The following AKR1C2 variants were observed in gnomAD, a reference collection of about 807,000 sequenced individuals.
The protein encoded by AKR1C2 is aldo-keto reductase family 1 member C2, also known as 3-alpha-HSD3.
In AKR1C2, 27 loss-of-function variants were observed where a neutral mutation model predicts 39.8. The observed-to-expected ratio is 0.68, with a 90% CI of 0.50 to 0.93. AKR1C2 has a LOEUF of 0.93. Among genes scored for constraint, AKR1C2 ranks in the 40% least tolerant of loss-of-function variants. The pLI is 0.00. For missense variants in AKR1C2, 263 were observed against 365.1 expected (o/e 0.72, Z 2.28); for synonymous variants, 114 against 137.9 (o/e 0.83, Z 1.22).
chr10:4,997,919 G>A (rs1321984653), intron 5 of AKR1C2, among the ~76,000 whole-genome samples: 4 of 152,194 alleles, frequency 2.6e-5, no homozygotes, highest in East Asian at 1.9e-4. Context: ...ACCATGCATA[G>A]AATAGATGTG....
intron 3 of AKR1C2, 66 bp downstream of exon 3, chr10:5,000,484 C>A (rs113856482): frequency 4.3e-6 from 7 of 1,613,332 alleles, no homozygotes; most frequent in South Asian, 3.3e-5. Context: ...TAGTTCAAAT[C>A]TCCATGAAAA....
At chr10:5,017,013 G>A (rs1208760072) in intron 1 of AKR1C2, among the ~76,000 whole-genome samples, 1 of 152,192 alleles carries the variant, frequency 6.6e-6, no homozygotes, top group Non-Finnish European at 1.5e-5. Context: ...TATGCAGGGT[G>A]CCATGTCCCA....
chr10:5,002,669 G>C (rs1395341324), intron 1 of AKR1C2, among the ~76,000 whole-genome samples: 2 of 152,126 alleles, frequency 1.3e-5, no homozygotes, highest in African/African-American at 4.8e-5. Context: ...TCTTTTAAAT[G>C]ACAAAAACAG....
chr10:4,993,382 G>T (rs1564326830), intron 7 of AKR1C2, among the ~76,000 whole-genome samples: 1 of 152,108 alleles, frequency 6.6e-6, no homozygotes, highest in Non-Finnish European at 1.5e-5. Flanking sequence ...TTCAAGTTAT[G>T]TGAGCAAATA....
intron 1 of AKR1C2, among the ~76,000 whole-genome samples, chr10:5,002,969 A>G (rs1837316686): frequency 1.3e-5 from 2 of 152,216 alleles, no homozygotes; most frequent in Non-Finnish European, 2.9e-5. Context: ...GTGAGACTCA[A>G]ATTTTATATA....
At chr10:5,000,221 C>CT in intron 3 of AKR1C2, 1 of 1,434,016 alleles carries the variant, frequency 7.0e-7, no homozygotes, top group East Asian at 2.5e-5. Flanking sequence ...TCATGAAACT[C>CT]TGTGTCTGTG....
chr10:4,990,224 GA>G (rs1836786840), intron 8 of AKR1C2, among the ~76,000 whole-genome samples, 186 bp from the exon 9 acceptor site: 1 of 152,096 alleles, frequency 6.6e-6, no homozygotes. Context: ...TCAAAATAAA[GA>G]ATAATTTAAT....
upstream of AKR1C2, among the ~76,000 whole-genome samples, chr10:5,005,469 T>G (rs1457857463): frequency 3.9e-5 from 6 of 151,964 alleles, no homozygotes; most frequent in Non-Finnish European, 8.8e-5. Flanking sequence ...GATCACGAGG[T>G]TAGGAGATGG....
chr10:5,008,341 G>T (rs542042115), upstream of AKR1C2, among the ~76,000 whole-genome samples: 3 of 151,574 alleles, frequency 2.0e-5, 1 homozygote, highest in African/African-American at 7.3e-5. Flanking sequence ...CAAGTGCCAA[G>T]CCTCAACCAC....
intron 8 of AKR1C2, among the ~76,000 whole-genome samples, chr10:4,990,320 T>A (rs1447176219): frequency 5.3e-5 from 8 of 151,626 alleles, no homozygotes; most frequent in Non-Finnish European, 7.4e-5. Flanking sequence ...CAACAACAGA[T>A]CCCACATCTG....
At chr10:5,013,187 TTAAAA>T (rs1554775054) in intron 1 of AKR1C2, 3 of 152,222 alleles carry the variant, frequency 2.0e-5, no homozygotes, top group Admixed American at 6.5e-5. Context: ...ACCCCCGAAC[TTAAAA>T]TAAAAGTTAA....
intron 1 of AKR1C2, among the ~76,000 whole-genome samples, chr10:5,009,796 G>A (rs1554774725): frequency 6.6e-6 from 1 of 151,948 alleles, no homozygotes; most frequent in East Asian, 1.9e-4. Flanking sequence ...CCAGATGGAC[G>A]GCAGAACAAT....
chr10:5,001,727 GAGTT>G (rs1837281265), intron 1 of AKR1C2, 46 bp from the exon 2 acceptor site: 1 of 1,610,524 alleles, frequency 6.2e-7, no homozygotes, highest in Admixed American at 1.7e-5. Context: ...ATGTGCCTGA[GAGTT>G]AGTTCGGGCA....
At chr10:5,000,970 T>A (rs1554773782) in intron 2 of AKR1C2, among the ~76,000 whole-genome samples, 1 of 152,244 alleles carries the variant, frequency 6.6e-6, no homozygotes, top group Non-Finnish European at 1.5e-5. Flanking sequence ...CAACTCATAT[T>A]AGTGGTGTAA....
chr10:4,990,203 T>C (rs538283480), intron 8 of AKR1C2, among the ~76,000 whole-genome samples, 165 bp from the exon 9 acceptor site: 9 of 152,346 alleles, frequency 5.9e-5, no homozygotes, highest in African/African-American at 2.2e-4. Flanking sequence ...GACTTTATCA[T>C]ATCTGTATTT....
chr10:5,000,513 C>T (rs376953240), intron 3 of AKR1C2, 37 bp downstream of exon 3: 1 of 1,613,400 alleles, frequency 6.2e-7, no homozygotes, highest in African/African-American at 1.3e-5. Flanking sequence ...ATGCTGAGAA[C>T]AAAAGTGAAA....
intron 2 of AKR1C2, 65 bp from the exon 3 acceptor site, chr10:5,000,731 A>G (rs1431387262): frequency 4.1e-6 from 6 of 1,461,530 alleles, no homozygotes; most frequent in Non-Finnish European, 5.6e-6. Context: ...AGTTTGCTCC[A>G]CCTAATATTT....
chr10:5,009,555 CATG>C (rs1837476795), intron 1 of AKR1C2, among the ~76,000 whole-genome samples: 1 of 151,718 alleles, frequency 6.6e-6, no homozygotes, highest in African/African-American at 2.4e-5. Context: ...GTTTAAACTC[CATG>C]TGATATGGAC....
upstream of AKR1C2, chr10:5,007,409 G>T (rs1443167740): frequency 6.6e-6 from 1 of 151,960 alleles, no homozygotes; most frequent in Non-Finnish European, 1.5e-5. Context: ...AAACGTACCT[G>T]TGGAAAAGAA....
Sources: gnomAD v4.1 joint callset for allele counts (sites outside exome capture counted in the v4.1 genomes callset) on GRCh38, gnomAD v4.1.1 for gene constraint, MANE v1.5 for transcripts, NCBI Gene and HGNC (gene_info 2026-07-23, HGNC 2026-07-21) for gene names.